Variants in MCCC2 observed in about 807,000 individuals in gnomAD.
MCCC2 encodes methylcrotonyl-CoA carboxylase subunit 2, also known as methylcrotonoyl-CoA carboxylase beta chain, mitochondrial.
In MCCC2, 52 loss-of-function variants were observed where a neutral mutation model predicts 77.2. The ratio of observed to expected loss-of-function variants is 0.67; its 90% CI spans 0.54 to 0.85. The LOEUF is 0.85. MCCC2 is among the 40% of genes least tolerant of loss of function. The pLI is 0.00. For synonymous variants in MCCC2, 253 were observed against 248.4 expected, an observed-to-expected ratio of 1.02 and a Z score of -0.18; for missense variants, 682 against 703.2, an observed-to-expected ratio of 0.97 and a Z score of 0.34.
chr5:71,643,842 C>G lies in MCCC2; in HGVS notation c.1096C>G (p.Pro366Ala). The G allele has an allele frequency of 1.2e-6, 2 of 1,613,922 alleles. No individual in the cohort carries two copies. Among genetic ancestry groups the G allele is most frequent in the Non-Finnish European group, 1.7e-6 (2 of 1,179,986 alleles). The change falls in exon 12 of 17, where the codon CCA becomes GCA. Residue 366 changes from proline (P) to alanine (A), a missense_variant. By Grantham distance (27) the Pro-to-Ala change is conservative (BLOSUM62 -1). Transcript: ENST00000340941. ...AGGATTTGCTCGAATATTTGGGTAC[C>G]CAGTAGGTATCGTTGGAAACAACGG... The part of the protein sequence containing the change: ...VTGFARIFGY[P>A]VGIVGNNGVL...
At chr5:71,648,571 A>G (rs1183632112) in intron 13 of MCCC2, among the ~76,000 whole-genome samples, 1 of 152,244 alleles carries the variant, frequency 6.6e-6, no homozygotes, top group African/African-American at 2.4e-5. Flanking sequence ...AGTGAAAGCT[A>G]AAGCCCTCAT....
At chr5:71,626,897 C>A in intron 7 of MCCC2, 144 bp downstream of exon 7, 1 of 793,984 alleles carries the variant, frequency 1.3e-6, no homozygotes, top group Non-Finnish European at 2.1e-6. Context: ...TTTTTCAGTA[C>A]AGCTTGGTGA....
At chr5:71,610,353 T>A (rs1311427289) in intron 6 of MCCC2, among the ~76,000 whole-genome samples, 2 of 152,172 alleles carry the variant, frequency 1.3e-5, no homozygotes, top group Non-Finnish European at 2.9e-5. Context: ...GTCACCCCTT[T>A]CTTTGACTCG....
intron 1 of MCCC2, among the ~76,000 whole-genome samples, chr5:71,590,812 G>A (rs1040832159): frequency 1.9e-4 from 24 of 127,034 alleles, no homozygotes; most frequent in Admixed American, 1.2e-3. Context: ...GCCAGACTCC[G>A]TCTCAAAAAA....
Position 71,587,474 on chromosome 5 carries a change from C to A in MCCC2, c.49C>A (p.Pro17Thr), listed in dbSNP as rs780891559. ...CCTGCGGCCGTGTGCCCGCGCCTCT[C>A]CCGCCGGGCCGCGCGCCTATCACGG... is the stretch of plus-strand genomic sequence containing the variant. ...LALRPCARAS[P>T]AGPRAYHGDS... Residue 17 changes from proline (P) to threonine (T), a missense_variant, in exon 1 of 17, where the codon CCC becomes ACC. Physicochemically the swap from Pro to Thr is conservative, Grantham distance 38. Coordinates refer to ENST00000340941, the MANE Select transcript of MCCC2 (RefSeq NM_022132.5). 1 of 1,536,494 alleles carries A rather than the reference C, an allele frequency of 6.5e-7. No homozygotes were observed. The highest frequency in any genetic ancestry group is 2.0e-5 in the Admixed American group (1 of 50,990).
At chr5:71,653,200 T>C (rs1025434898) in intron 16 of MCCC2, among the ~76,000 whole-genome samples, 8 of 152,262 alleles carry the variant, frequency 5.3e-5, no homozygotes, top group African/African-American at 1.7e-4. Flanking sequence ...CTGGCATTTG[T>C]TGACAAGTAT....
intron 6 of MCCC2, among the ~76,000 whole-genome samples, chr5:71,605,763 T>C (rs2112335383): frequency 1.3e-5 from 2 of 152,256 alleles, no homozygotes; most frequent in Middle Eastern, 3.4e-3. Flanking sequence ...GTATAAGGTG[T>C]AAGGAAGGGA....
chr5:71,589,324 C>T (rs930851133), intron 1 of MCCC2, among the ~76,000 whole-genome samples: 5 of 152,338 alleles, frequency 3.3e-5, no homozygotes, highest in Non-Finnish European at 7.4e-5. Context: ...TAACTCACAA[C>T]AGTAAATATT....
intron 4 of MCCC2, among the ~76,000 whole-genome samples, chr5:71,600,305 T>C (rs1745373707): frequency 6.6e-6 from 1 of 152,240 alleles, no homozygotes; most frequent in Non-Finnish European, 1.5e-5. Flanking sequence ...AAGTAGTACT[T>C]AATTATAAAT....
intron 4 of MCCC2, among the ~76,000 whole-genome samples, chr5:71,601,035 G>A (rs1290609460): frequency 6.6e-6 from 1 of 152,228 alleles, no homozygotes; most frequent in East Asian, 1.9e-4. Context: ...TCTGGGGTCA[G>A]TCCTACTTGA....
chr5:71,633,127 A>ATTTTTT (rs1440841730), intron 8 of MCCC2, among the ~76,000 whole-genome samples: 7 of 63,782 alleles, frequency 1.1e-4, no homozygotes, highest in African/African-American at 1.6e-4. Context: ...ATATATATAT[A>ATTTTTT]TATATTTTTA....
At chr5:71,596,707 C>T (rs557960721) in intron 3 of MCCC2, among the ~76,000 whole-genome samples, 96 of 152,118 alleles carry the variant, frequency 6.3e-4, no homozygotes, top group African/African-American at 2.1e-3. Flanking sequence ...TTTGGGAGGC[C>T]GAGGTGGGCG....
chr5:71,643,635 A>G (rs1747191549), intron 11 of MCCC2, 184 bp from the exon 12 acceptor site: 1 of 1,124,606 alleles, frequency 8.9e-7, no homozygotes, highest in Non-Finnish European at 1.3e-6. Context: ...AGCAAAAGAA[A>G]CCAGAGTCTA....
At chr5:71,600,202 G>A (rs1745368395) in intron 4 of MCCC2, among the ~76,000 whole-genome samples, 1 of 152,002 alleles carries the variant, frequency 6.6e-6, no homozygotes, top group Non-Finnish European at 1.5e-5. Context: ...TGGAGACAAG[G>A]GCAAGGAAGG....
In MCCC2 at chr5:71,656,913, G is replaced by C; in HGVS notation, c.*53G>C. 1 of 1,387,278 alleles carries C rather than the reference G, an allele frequency of 7.2e-7. No individual in the cohort carries two copies. The allele number at this position is 1,387,278 out of a possible 1,614,324, so 85.9% of individuals were successfully genotyped here. A position where few individuals can be genotyped will look rare whatever the true frequency, so the allele number is the denominator to read the frequency against. On this transcript the variant is annotated 3_prime_UTR_variant, in exon 17 of 17. Coordinates refer to ENST00000340941, the MANE Select transcript of MCCC2 (RefSeq NM_022132.5). ...CATGTACTGAAAATTAACACATGTA[G>C]TAGCCTTAAAATTTTAGACTTCTCG...
At chr5:71,618,518 TTCCTTCCTTCCTTCCTTCCTTCCTTC>T (rs1561835093) in intron 6 of MCCC2, among the ~76,000 whole-genome samples, 13 of 143,530 alleles carry the variant, frequency 9.1e-5, no homozygotes, top group East Asian at 6.0e-4. Flanking sequence ...CCTTCCTTCC[TTCCTTCCTTCCTTCCTTCCTTCCTTC>T]CTTCCTTTCT....
In MCCC2 at chr5:71,631,829, C is replaced by T. The variant is rs561215659; in HGVS notation, c.739-292C>T. Reference sequence around the variant, plus strand: ...TGCTGGGATTACAGGCGTGAGCCACCGCGCCCGGCCAGGTCTTTCAAGCTG... The same window carrying T: ...TGCTGGGATTACAGGCGTGAGCCACTGCGCCCGGCCAGGTCTTTCAAGCTG... On this transcript the variant is annotated intron_variant, in intron 7 of 16. Transcript: ENST00000340941. 5.5e-4 allele frequency among the ~76,000 whole-genome samples: 83 copies of T among 151,320 alleles called. 1 individual carries two copies. Among genetic ancestry groups the T allele is most frequent in the African/African-American group, 1.5e-3 (60 of 41,284 alleles).
chr5:71,638,630 C>G (rs1747011018), intron 10 of MCCC2, among the ~76,000 whole-genome samples: 2 of 152,228 alleles, frequency 1.3e-5, no homozygotes, highest in South Asian at 2.1e-4. Flanking sequence ...AAGCAATTCT[C>G]CTGCCTCAGC....
chr5:71,599,105 T>A (rs945157183), intron 3 of MCCC2, among the ~76,000 whole-genome samples: 1 of 151,928 alleles, frequency 6.6e-6, no homozygotes, highest in Non-Finnish European at 1.5e-5. Context: ...TGGTGGCTCA[T>A]GCCTGTAATC....
Sources: allele counts gnomAD v4.1 joint callset (sites outside exome capture counted in the v4.1 genomes callset), GRCh38; gene constraint gnomAD v4.1.1; transcripts MANE v1.5; gene names NCBI Gene and HGNC (gene_info 2026-07-23, HGNC 2026-07-21).